OR10R2: variants seen among roughly 807,000 people sequenced by gnomAD.
OR10R2 encodes olfactory receptor 10R2.
Under a neutral mutation model 2.4 loss-of-function variants are expected in OR10R2, and 1 was observed. The observed-to-expected ratio is 0.41, with a 90% CI of 0.15 to 1.95. The LOEUF is 1.95. Ranked by LOEUF, OR10R2 falls within the 30% of genes most tolerant of loss-of-function variation. The pLI is 0.30. For synonymous variants in OR10R2, 166 were observed against 144.8 expected (o/e 1.15, Z -1.05); for missense variants, 419 against 373.0 (o/e 1.12, Z -1.01).
chr1:158,474,624 G>T (rs539877653), intron 1 of OR10R2: 1 of 152,290 alleles, frequency 6.6e-6, no homozygotes, highest in East Asian at 1.9e-4. Flanking sequence ...TTATGAATCA[G>T]TTGGTCAGCC....
intron 1 of OR10R2, among the ~76,000 whole-genome samples, chr1:158,478,396 G>A (rs946868827): frequency 1.3e-5 from 2 of 152,086 alleles, no homozygotes; most frequent in Non-Finnish European, 2.9e-5. Flanking sequence ...AACCTGAGGG[G>A]AGGTTTATGT....
chr1:158,474,825 A>T (rs924404353), intron 1 of OR10R2, among the ~76,000 whole-genome samples: 5 of 152,162 alleles, frequency 3.3e-5, no homozygotes, highest in Admixed American at 6.6e-5. Context: ...TTTAAATTTA[A>T]AAACTGCTGG....
Position 158,479,857 on chromosome 1 carries a change from C to G in OR10R2, c.28-81C>G, listed in dbSNP as rs1194021121. The G allele has an allele frequency of 4.1e-6, 6 of 1,453,254 alleles. No individual in the cohort carries two copies. In the South Asian group the frequency reaches 6.3e-5, roughly 15 times the overall value. 90.0% of individuals were successfully genotyped at this position (1,453,254 alleles called of 1,614,324 possible). ...AGGCAAGATTCTTCTTTGTCACCAC[C>G]TGAAAGGAACAAAGGAGTGCATGCC... On this transcript the variant is annotated intron_variant, in intron 1 of 1. Transcript: ENST00000641067.
Position 158,479,968 on chromosome 1 carries a change from G to T in OR10R2, c.58G>T (p.Glu20Ter). 6.2e-7 allele frequency: 1 copy of T among 1,613,862 alleles called. No homozygotes were observed. The stretch of plus-strand genomic sequence containing the variant: ...GGCAGAAAACCTCACCATGGTCACC[G>T]AATTCCTGTTGCTGGGTTTTTCCAG... Residue 20 changes from glutamate to a stop codon, truncating the protein, a stop_gained, in exon 2 of 2, where the codon GAA (glutamate) becomes TAA (stop). Transcript: ENST00000641067. LOFTEE classifies it low-confidence loss of function (END_TRUNC).
At chr1:158,472,659 T>C (rs962817944) in intron 1 of OR10R2, among the ~76,000 whole-genome samples, 7 of 152,230 alleles carry the variant, frequency 4.6e-5, no homozygotes, top group African/African-American at 1.7e-4. Flanking sequence ...TTTTATCTTA[T>C]GTTTAATTCA....
chr1:158,477,472 C>T (rs976534470), intron 1 of OR10R2, among the ~76,000 whole-genome samples: 5 of 152,066 alleles, frequency 3.3e-5, no homozygotes, highest in African/African-American at 1.2e-4. Flanking sequence ...GATACAAAAT[C>T]AATCTAAAAA....
At chr1:158,480,369 G>T in exon 2 of OR10R2, 2 of 1,614,084 alleles carry the variant, frequency 1.2e-6, no homozygotes, top group Non-Finnish European at 1.7e-6. Flanking sequence ...GTGGAAAACT[G>T]GCAGCTGCCT....
intron 1 of OR10R2, chr1:158,474,671 C>T (rs1656238666): frequency 6.6e-6 from 1 of 152,034 alleles, no homozygotes; most frequent in African/African-American, 2.4e-5. Flanking sequence ...GTTCTATCTG[C>T]AAGAAAAAGT....
At chr1:158,477,514 C>T (rs1173818507) in intron 1 of OR10R2, among the ~76,000 whole-genome samples, 1 of 151,994 alleles carries the variant, frequency 6.6e-6, no homozygotes, top group African/African-American at 2.4e-5. Flanking sequence ...TCAATAATGT[C>T]TAGACTGAGG....
chr1:158,478,638 A>G (rs1408990572), intron 1 of OR10R2, among the ~76,000 whole-genome samples: 1 of 152,174 alleles, frequency 6.6e-6, no homozygotes, highest in African/African-American at 2.4e-5. Context: ...AAAGCAGTTT[A>G]TGTATCAGAA....
chr1:158,476,007 A>G (rs1056322418), intron 1 of OR10R2, among the ~76,000 whole-genome samples: 2 of 152,238 alleles, frequency 1.3e-5, no homozygotes, highest in Admixed American at 1.3e-4. Context: ...TAAAGAATTA[A>G]GGTATAAACT....
At chr1:158,480,877 T>C (rs1571296874) in exon 2 of OR10R2, 1 of 1,328,470 alleles carries the variant, frequency 7.5e-7, no homozygotes, top group Non-Finnish European at 1.0e-6. Context: ...TCTAAAACTA[T>C]ATAATTGAAA....
chr1:158,477,668 G>A (rs1204815246), intron 1 of OR10R2, among the ~76,000 whole-genome samples: 1 of 151,918 alleles, frequency 6.6e-6, no homozygotes, highest in Non-Finnish European at 1.5e-5. Flanking sequence ...ACAAATAAAT[G>A]GAAAAACATT....
intron 1 of OR10R2, among the ~76,000 whole-genome samples, chr1:158,476,425 G>A (rs922109880): frequency 6.6e-6 from 1 of 151,490 alleles, no homozygotes; most frequent in African/African-American, 2.4e-5. Flanking sequence ...GCAGGTGCCT[G>A]TAGTCCCAGC....
intron 1 of OR10R2, among the ~76,000 whole-genome samples, chr1:158,476,628 A>G (rs997557340): frequency 3.3e-5 from 5 of 152,072 alleles, no homozygotes; most frequent in African/African-American, 7.2e-5. Context: ...CTTTAAGTAT[A>G]TAGGATAAAT....
exon 2 of OR10R2, chr1:158,480,685 G>A (rs1319056884): frequency 1.9e-6 from 3 of 1,613,566 alleles, no homozygotes; most frequent in African/African-American, 2.7e-5. Context: ...TGTTGTTATT[G>A]TTCATTATGG....
exon 2 of OR10R2, chr1:158,480,298 G>A (rs1352239072): frequency 1.2e-6 from 2 of 1,614,004 alleles, no homozygotes; most frequent in Admixed American, 1.7e-5. Flanking sequence ...GATGGGTTAT[G>A]ATCGCTATGC....
At chr1:158,474,773 G>C (rs1656240704) in intron 1 of OR10R2, 1 of 152,052 alleles carries the variant, frequency 6.6e-6, no homozygotes, top group Non-Finnish European at 1.5e-5. Flanking sequence ...TTCAGACTGG[G>C]TATGCTTTAT....
intron 1 of OR10R2, among the ~76,000 whole-genome samples, chr1:158,476,151 T>A (rs1333546174): frequency 6.6e-6 from 1 of 152,266 alleles, no homozygotes; most frequent in East Asian, 1.9e-4. Context: ...TTTCAAATTA[T>A]CATATGGAAG....
Sources: gnomAD v4.1 joint callset for allele counts (sites outside exome capture counted in the v4.1 genomes callset) on GRCh38, gnomAD v4.1.1 for gene constraint, MANE v1.5 for transcripts, NCBI Gene and HGNC (gene_info 2026-07-23, HGNC 2026-07-21) for gene names.